The following CACNA1C variants were observed in gnomAD, a reference collection of about 807,000 sequenced individuals.
CACNA1C encodes calcium voltage-gated channel subunit alpha1 C, also known as voltage-dependent L-type calcium channel subunit alpha-1C.
A neutral mutation model predicts 229.0 loss-of-function variants in CACNA1C; 30 were observed. That is an observed-to-expected ratio of 0.13 (90% CI 0.10 to 0.18). The LOEUF is 0.18. CACNA1C is among the 10% of genes least tolerant of loss of function. The pLI, the probability that CACNA1C is intolerant of heterozygous loss-of-function variation, is 1.00. For missense variants in CACNA1C, 1,658 were observed against 2,845.0 expected, an observed-to-expected ratio of 0.58 and a Z score of 9.49; for synonymous variants, 1,114 against 1,132.5, an observed-to-expected ratio of 0.98 and a Z score of 0.33.
At chr12:2,088,934 C>T (rs907338646) in intron 1 of CACNA1C, among the ~76,000 whole-genome samples, 4 of 152,184 alleles carry the variant, frequency 2.6e-5, no homozygotes, top group African/African-American at 9.7e-5. Flanking sequence ...CGTTGATATT[C>T]TTAAATGAAT....
chr12:2,223,121 A>G (rs534239949), intron 3 of CACNA1C, among the ~76,000 whole-genome samples: 1 of 152,214 alleles, frequency 6.6e-6, no homozygotes, highest in Non-Finnish European at 1.5e-5. Context: ...GGGATATCCT[A>G]CTTGGCTCTG....
chr12:2,177,587 C>CCCTCCCTCCCTCCCTCCCT (rs750852324), intron 3 of CACNA1C, among the ~76,000 whole-genome samples: 2 of 78,524 alleles, frequency 2.5e-5, no homozygotes, highest in Non-Finnish European at 4.7e-5. Flanking sequence ...CTCCCTCCCT[C>CCCTCCCTCCCTCCCTCCCT]CCTTCCTTCC....
chr12:2,205,674 G>A (rs1018827233), intron 3 of CACNA1C, among the ~76,000 whole-genome samples: 5 of 152,160 alleles, frequency 3.3e-5, no homozygotes, highest in African/African-American at 1.2e-4. Flanking sequence ...AGTTTTTAGA[G>A]TAGGAAGTAG....
intron 3 of CACNA1C, among the ~76,000 whole-genome samples, chr12:2,156,081 G>A (rs940811591): frequency 6.6e-6 from 1 of 152,158 alleles, no homozygotes; most frequent in South Asian, 2.1e-4. Context: ...AAAGGGGTGT[G>A]TTCAGCAGGA....
At chr12:2,352,978 A>G (rs990405233) in intron 3 of CACNA1C, among the ~76,000 whole-genome samples, 2 of 152,130 alleles carry the variant, frequency 1.3e-5, no homozygotes, top group African/African-American at 4.8e-5. Flanking sequence ...GGACTGATGG[A>G]TTGTTATTGT....
intron 30 of CACNA1C, among the ~76,000 whole-genome samples, chr12:2,644,328 ATG>A (rs1457282062): frequency 6.6e-6 from 1 of 152,160 alleles, no homozygotes; most frequent in African/African-American, 2.4e-5. Flanking sequence ...GCCATGGCTT[ATG>A]CCCCCTTCAC....
chr12:2,657,237 A>G (rs953243163), intron 34 of CACNA1C, among the ~76,000 whole-genome samples: 3 of 152,220 alleles, frequency 2.0e-5, no homozygotes, highest in Non-Finnish European at 4.4e-5. Flanking sequence ...AAGTTTATAT[A>G]AAGTCTAGAT....
intron 1 of CACNA1C, among the ~76,000 whole-genome samples, chr12:2,056,081 G>A (rs1315945176): frequency 6.6e-6 from 1 of 152,156 alleles, no homozygotes; most frequent in Non-Finnish European, 1.5e-5. Context: ...CAAAAAAGTT[G>A]TCAGTGGCGG....
chr12:2,339,456 A>G (rs2096795340), intron 3 of CACNA1C, among the ~76,000 whole-genome samples: 1 of 152,232 alleles, frequency 6.6e-6, no homozygotes, highest in African/African-American at 2.4e-5. Flanking sequence ...TTCTTCCTGC[A>G]ATAATACGTT....
At chr12:2,398,934 C>G (rs1041220884) in intron 3 of CACNA1C, among the ~76,000 whole-genome samples, 5 of 152,160 alleles carry the variant, frequency 3.3e-5, no homozygotes, top group South Asian at 2.1e-4. Flanking sequence ...TGAGGTGCCC[C>G]CTCAGTGCCC....
At chr12:2,226,172 C>G (rs887989643) in intron 3 of CACNA1C, among the ~76,000 whole-genome samples, 5 of 134,118 alleles carry the variant, frequency 3.7e-5, no homozygotes. Context: ...CACACACACA[C>G]AGTTTTCTTC....
chr12:2,076,341 A>G (rs2063173786), intron 1 of CACNA1C, among the ~76,000 whole-genome samples: 1 of 152,212 alleles, frequency 6.6e-6, no homozygotes, highest in African/African-American at 2.4e-5. Flanking sequence ...GATATTACAC[A>G]TGCGTAATGT....
At chr12:2,685,090 C>T (rs2887802) in intron 43 of CACNA1C, among the ~76,000 whole-genome samples, 45 of 152,102 alleles carry the variant, frequency 3.0e-4, no homozygotes, top group South Asian at 8.3e-4. Flanking sequence ...ACGCATGCAC[C>T]GAGGGTAACC....
At chr12:2,648,608 G>A in intron 31 of CACNA1C, 101 bp downstream of exon 31, 1 of 988,680 alleles carries the variant, frequency 1.0e-6, no homozygotes, top group Non-Finnish European at 1.6e-6. Context: ...AGCCCTGCCT[G>A]GCTCTCACTG....
intron 9 of CACNA1C, among the ~76,000 whole-genome samples, chr12:2,527,207 A>C (rs2099819907): frequency 6.6e-6 from 1 of 152,216 alleles, no homozygotes; most frequent in Non-Finnish European, 1.5e-5. Flanking sequence ...GTCTTACTCT[A>C]AGAACTTCAA....
intron 3 of CACNA1C, among the ~76,000 whole-genome samples, chr12:2,291,570 GTAAA>G (rs1342918395): frequency 7.2e-5 from 11 of 152,182 alleles, no homozygotes; most frequent in Non-Finnish European, 1.5e-4. Flanking sequence ...TGTGTTTAGC[GTAAA>G]TATAGTTTTA....
chr12:2,189,232 G>C (rs937822515), intron 3 of CACNA1C, among the ~76,000 whole-genome samples: 5 of 150,046 alleles, frequency 3.3e-5, no homozygotes, highest in African/African-American at 1.2e-4. Context: ...GTGTGGATCT[G>C]GTGTAACCTG....
chr12:2,188,698 G>A (rs1225354811), intron 3 of CACNA1C, among the ~76,000 whole-genome samples: 2 of 152,070 alleles, frequency 1.3e-5, no homozygotes, highest in Non-Finnish European at 2.9e-5. Flanking sequence ...CTCCTATTTG[G>A]TGGTATCCTT....
chr12:2,568,648 A>G (rs1406204211), intron 13 of CACNA1C, among the ~76,000 whole-genome samples: 4 of 152,244 alleles, frequency 2.6e-5, no homozygotes, highest in Non-Finnish European at 4.4e-5. Context: ...CATTATGCTA[A>G]GTGAAATAAG....
Sources: gnomAD v4.1 joint callset for allele counts (sites outside exome capture counted in the v4.1 genomes callset) on GRCh38, gnomAD v4.1.1 for gene constraint, MANE v1.5 for transcripts, NCBI Gene and HGNC (gene_info 2026-07-23, HGNC 2026-07-21) for gene names.